The following EPHB1 variants were observed in gnomAD, a reference collection of about 807,000 sequenced individuals.
EPHB1 encodes the protein EPH receptor B1.
EPHB1 carries 30 observed loss-of-function variants against 94.4 expected under a neutral mutation model. The ratio of observed to expected loss-of-function variants is 0.32; its 90% CI spans 0.24 to 0.43. The LOEUF is 0.43. Ranked by LOEUF, EPHB1 falls within the 20% of genes least tolerant of loss-of-function variation. The probability of loss-of-function intolerance (pLI) is 1.00; values close to 1 mark genes in which losing one functional copy is unlikely to be tolerated. For synonymous variants in EPHB1, 522 were observed against 489.1 expected, an observed-to-expected ratio of 1.07 and a Z score of -0.89; for missense variants, 1,055 against 1,308.3, an observed-to-expected ratio of 0.81 and a Z score of 2.99.
chr3:134,938,086 A>G (rs2039043854), intron 2 of EPHB1, among the ~76,000 whole-genome samples: 1 of 152,118 alleles, frequency 6.6e-6, no homozygotes, highest in Non-Finnish European at 1.5e-5. Flanking sequence ...GAGGTGTTTT[A>G]AATCTCAACA....
chr3:135,106,756 C>T (rs536651536), intron 4 of EPHB1, among the ~76,000 whole-genome samples, 153 bp downstream of exon 4: 1 of 152,166 alleles, frequency 6.6e-6, no homozygotes, highest in Non-Finnish European at 1.5e-5. Flanking sequence ...CTCCTATGCT[C>T]GGAGTTCAGA....
intron 4 of EPHB1, among the ~76,000 whole-genome samples, chr3:135,123,363 A>G (rs1426222131): frequency 6.6e-6 from 1 of 152,214 alleles, no homozygotes; most frequent in African/African-American, 2.4e-5. Context: ...TCAAATTTCC[A>G]TGTTGACCTC....
At position 134,888,519 on chromosome 3, in the gene EPHB1, C is replaced by T. The variant is rs1397383221; in HGVS notation, c.59-37297C>T. On this transcript the variant is annotated intron_variant, in intron 1 of 15. Coordinates refer to ENST00000398015, the MANE Select transcript of EPHB1 (RefSeq NM_004441.5). ...GGTCAGGAGATCGAGACCATCCTGG[C>T]CAACATAGTGAAACCTCAACTCTAC... Among the ~76,000 whole-genome samples the T allele has an allele frequency of 2.0e-5, 3 of 152,100 alleles. No homozygotes were observed. In the East Asian group the frequency reaches 5.8e-4, roughly 29 times the overall value.
chr3:135,174,720 T>G (rs973532618), intron 9 of EPHB1, among the ~76,000 whole-genome samples: 3 of 152,216 alleles, frequency 2.0e-5, no homozygotes, highest in African/African-American at 4.8e-5. Flanking sequence ...AGTCCCTGTA[T>G]GTAAAGATCT....
chr3:135,042,493 A>C (rs989156946), intron 3 of EPHB1, among the ~76,000 whole-genome samples: 1 of 152,228 alleles, frequency 6.6e-6, no homozygotes, highest in Non-Finnish European at 1.5e-5. Context: ...ATGAAAAAAA[A>C]ATTCACTGTT....
At chr3:134,876,479 C>G (rs780247159) in intron 1 of EPHB1, among the ~76,000 whole-genome samples, 1 of 152,200 alleles carries the variant, frequency 6.6e-6, no homozygotes, top group Admixed American at 6.5e-5. Context: ...TCAGGCAACA[C>G]GAGGGCCTGG....
chr3:135,148,809 G>A (rs1435108523), intron 5 of EPHB1, among the ~76,000 whole-genome samples: 1 of 152,184 alleles, frequency 6.6e-6, no homozygotes, highest in African/African-American at 2.4e-5. Context: ...CACTCACTCA[G>A]CCTGCCTTTG....
rs2107709899 is a variant in EPHB1 at position 135,192,560 on chromosome 3, AT to A, written c.1883-11del. The stretch of plus-strand genomic sequence containing the variant: ...TGAGAAGGAAGAGGATATTAATGGC[AT>A]TTTTGCTGTTGCAGGGGAGTTTGGA... On this transcript the variant is annotated splice_polypyrimidine_tract_variant and intron_variant, in intron 10 of 15. Transcript: ENST00000398015. 6.2e-7 allele frequency: 1 copy of A among 1,611,754 alleles called. No individual in the cohort carries two copies. The highest frequency in any genetic ancestry group is 8.5e-7 in the Non-Finnish European group (1 of 1,178,206).
At chr3:134,963,415 A>C (rs1242114971) in intron 3 of EPHB1, among the ~76,000 whole-genome samples, 1 of 152,132 alleles carries the variant, frequency 6.6e-6, no homozygotes, top group African/African-American at 2.4e-5. Context: ...GTAGCCCCAC[A>C]TTCCACTGCC....
chr3:135,022,612 A>T (rs1482810458), intron 3 of EPHB1, among the ~76,000 whole-genome samples: 1 of 152,226 alleles, frequency 6.6e-6, no homozygotes, highest in Non-Finnish European at 1.5e-5. Context: ...TACATTTTCT[A>T]GAAAAAGTAT....
chr3:134,857,395 C>T (rs1035534541), intron 1 of EPHB1, among the ~76,000 whole-genome samples: 14 of 152,088 alleles, frequency 9.2e-5, no homozygotes, highest in African/African-American at 3.1e-4. Flanking sequence ...TTCCTACTTT[C>T]GATACAGGCA....
rs768688376 is a variant in EPHB1, at chr3:135,179,964, G to A, written c.1864G>A (p.Glu622Lys). Residue 622 changes from glutamate (E) to lysine (K), a missense_variant, in exon 10 of 16, where the codon GAA (glutamate) becomes AAA (lysine). Physicochemically the swap from Glu to Lys is moderately conservative, Grantham distance 56. Transcript: ENST00000398015. Reference sequence around the variant, plus strand: ...GATTGATGTATCTTTTGTGAAAATTGAAGAGGTCATCGGAGCAGGTATGGC... The same window carrying A: ...GATTGATGTATCTTTTGTGAAAATTAAAGAGGTCATCGGAGCAGGTATGGC... ...KEIDVSFVKI[E>K]EVIGAGEFGE... 1.9e-6 allele frequency: 3 copies of A among 1,613,876 alleles called. No individual in the cohort carries two copies. The highest frequency in any genetic ancestry group is 2.5e-6 in the Non-Finnish European group (3 of 1,179,808).
chr3:135,257,176 C>G (rs1933433828), intron 15 of EPHB1, among the ~76,000 whole-genome samples: 1 of 151,882 alleles, frequency 6.6e-6, no homozygotes, highest in Admixed American at 6.6e-5. Flanking sequence ...CCTCCCGTAG[C>G]TCAGAGTAAT....
chr3:134,799,788 A>C (rs1235283595), intron 1 of EPHB1, among the ~76,000 whole-genome samples: 1 of 152,220 alleles, frequency 6.6e-6, no homozygotes, highest in Non-Finnish European at 1.5e-5. Context: ...ACCGATGACC[A>C]AGATGTGCTA....
chr3:135,080,026 CTGTT>C (rs762227283), intron 3 of EPHB1, among the ~76,000 whole-genome samples: 2 of 152,118 alleles, frequency 1.3e-5, no homozygotes, highest in African/African-American at 2.4e-5. Flanking sequence ...AACAGAGATC[CTGTT>C]TGTTTGAGGT....
At chr3:134,858,030 A>C (rs762024985) in intron 1 of EPHB1, among the ~76,000 whole-genome samples, 3 of 152,182 alleles carry the variant, frequency 2.0e-5, no homozygotes, top group African/African-American at 4.8e-5. Context: ...GCACCACCTT[A>C]GCAGGCTTCC....
chr3:135,026,582 T>A (rs1182017822), intron 3 of EPHB1, among the ~76,000 whole-genome samples: 2 of 142,492 alleles, frequency 1.4e-5, no homozygotes, highest in African/African-American at 5.4e-5. Context: ...TATCTCTGTT[T>A]TGGTACCAGT....
chr3:134,824,786 G>T (rs1264519439), intron 1 of EPHB1, among the ~76,000 whole-genome samples: 4 of 152,180 alleles, frequency 2.6e-5, no homozygotes, highest in African/African-American at 9.7e-5. Flanking sequence ...GAGAGGCCAT[G>T]TATGGGTACT....
At chr3:134,965,733 C>G (rs1359108135) in intron 3 of EPHB1, among the ~76,000 whole-genome samples, 1 of 152,198 alleles carries the variant, frequency 6.6e-6, no homozygotes, top group Non-Finnish European at 1.5e-5. Context: ...CATGTCTAAG[C>G]AGTGCAGCAG....
Sources: allele counts gnomAD v4.1 joint callset (sites outside exome capture counted in the v4.1 genomes callset), GRCh38; gene constraint gnomAD v4.1.1; transcripts MANE v1.5; gene names NCBI Gene and HGNC (gene_info 2026-07-23, HGNC 2026-07-21).